ETS1: variants seen among roughly 807,000 people sequenced by gnomAD.
ETS1 encodes the protein ETS proto-oncogene 1, transcription factor.
A neutral mutation model predicts 58.6 loss-of-function variants in ETS1; 15 were observed. The ratio of observed to expected loss-of-function variants is 0.26; its 90% CI spans 0.17 to 0.39. ETS1 has a LOEUF of 0.39. Among genes scored for constraint, ETS1 ranks in the 10% least tolerant of loss-of-function variants. ETS1 has a pLI of 1.00. For synonymous variants in ETS1, 214 were observed against 218.2 expected (o/e 0.98, Z 0.17); for missense variants, 417 against 610.5 (o/e 0.68, Z 3.34).
At chr11:128,566,864 A>G (rs1864513716) in intron 2 of ETS1, among the ~76,000 whole-genome samples, 1 of 151,684 alleles carries the variant, frequency 6.6e-6, no homozygotes. Context: ...AGTGCTTTCC[A>G]CTAGAATTTG....
At chr11:128,566,655 C>T (rs916409068) in intron 2 of ETS1, among the ~76,000 whole-genome samples, 3 of 151,870 alleles carry the variant, frequency 2.0e-5, no homozygotes, top group Admixed American at 1.3e-4. Flanking sequence ...CGGTGGTGGG[C>T]GCCTGTAGTC....
intron 3 of ETS1, among the ~76,000 whole-genome samples, chr11:128,532,943 A>T (rs1026769842): frequency 1.3e-5 from 2 of 152,090 alleles, no homozygotes; most frequent in Middle Eastern, 3.2e-3. Flanking sequence ...ATTAAATAAC[A>T]CGCCTCTCTC....
At chr11:128,473,527 AG>A (rs1254868170) in intron 8 of ETS1, among the ~76,000 whole-genome samples, 4 of 152,240 alleles carry the variant, frequency 2.6e-5, no homozygotes, top group African/African-American at 9.6e-5. Flanking sequence ...GCTCACTGGC[AG>A]GGCCTGACTC....
rs1861954633 is a variant in ETS1 at position 128,463,438 on chromosome 11, C to T, written c.1242+71G>A. ...AATCCTGGAACACGTCATTCAGGCC[C>T]ACGCCACCCCTTCCAGGAGTTTTCT... On this transcript the variant is annotated intron_variant, in intron 9 of 9. Coordinates refer to ENST00000392668, the MANE Select transcript of ETS1 (RefSeq NM_001143820.2). This position sits in a 1 kb window ranked among gnomAD's most constrained non-coding sequence, Gnocchi z 4.1. The T allele has an allele frequency of 1.1e-6, 1 of 898,232 alleles. No homozygotes were observed. The highest frequency in any genetic ancestry group is 2.7e-4 in the Middle Eastern group (1 of 3,702). 55.6% of individuals were successfully genotyped at this position (898,232 alleles called of 1,614,324 possible).
chr11:128,534,164 A>G (rs931910843), intron 3 of ETS1, among the ~76,000 whole-genome samples: 11 of 152,182 alleles, frequency 7.2e-5, no homozygotes, highest in Non-Finnish European at 1.5e-4. Flanking sequence ...CAGGCCAGCT[A>G]TTTTCTAACT....
At position 128,459,039 on chromosome 11, in the gene ETS1, A is replaced by C. The variant is rs578164741; in HGVS notation, c.*3322T>G. On this transcript the variant is annotated 3_prime_UTR_variant, in exon 10 of 10. Coordinates refer to ENST00000392668, the MANE Select transcript of ETS1 (RefSeq NM_001143820.2). The stretch of plus-strand genomic sequence containing the variant: ...TCTTGCTTCTAAATTTTCAGCTTTT[A>C]AAAAATATAAATTATATGAAAATAC... The C allele has an allele frequency of 1.3e-5, 2 of 152,454 alleles. No individual in the cohort carries two copies. The highest frequency in any genetic ancestry group is 3.8e-4 in the East Asian group (2 of 5,228). The allele number at this position is 152,454 out of a possible 1,614,324, so 9.4% of individuals were successfully genotyped here. A position where few individuals can be genotyped will look rare whatever the true frequency, so the allele number is the denominator to read the frequency against.
At chr11:128,493,912 A>G (rs191567656) in intron 3 of ETS1, among the ~76,000 whole-genome samples, 49 of 152,342 alleles carry the variant, frequency 3.2e-4, no homozygotes, top group Non-Finnish European at 5.4e-4. Flanking sequence ...TGTTCAATAT[A>G]CTCATCAAAA....
At chr11:128,466,814 T>C (rs1034905498) in intron 8 of ETS1, among the ~76,000 whole-genome samples, 3 of 151,752 alleles carry the variant, frequency 2.0e-5, no homozygotes, top group Non-Finnish European at 2.9e-5. Context: ...GGAGGATAGA[T>C]AGGAAAAGCA....
chr11:128,498,850 CAT>C lies in ETS1; in HGVS notation c.215-8276_215-8275del, dbSNP rs560284130. On this transcript the variant is annotated intron_variant, in intron 3 of 9. Coordinates refer to ENST00000392668, the MANE Select transcript of ETS1 (RefSeq NM_001143820.2). ...TTCAAGCCATTTACAAAGTACTTCACATGTTTCAAAGCATTTCCTGCATAGAT... is the reference window on the plus strand; with the variant it reads ...TTCAAGCCATTTACAAAGTACTTCACGTTTCAAAGCATTTCCTGCATAGAT... Among the ~76,000 whole-genome samples the C allele has an allele frequency of 8.5e-5, 13 of 152,324 alleles. No individual in the cohort carries two copies. The East Asian group carries it at 2.1e-3, about 25-fold the overall frequency.
intron 3 of ETS1, among the ~76,000 whole-genome samples, chr11:128,519,703 T>G (rs1863613560): frequency 6.6e-6 from 1 of 152,208 alleles, no homozygotes; most frequent in Non-Finnish European, 1.5e-5. Flanking sequence ...CTTGCAACAT[T>G]ACTCAAAGCA....
intron 3 of ETS1, among the ~76,000 whole-genome samples, chr11:128,508,888 A>G (rs1316593518): frequency 6.6e-6 from 1 of 152,240 alleles, no homozygotes; most frequent in Non-Finnish European, 1.5e-5. Flanking sequence ...CCATAAAAAC[A>G]CTGAAAATAT....
chr11:128,553,763 C>T (rs1221719637), intron 3 of ETS1, among the ~76,000 whole-genome samples: 2 of 151,856 alleles, frequency 1.3e-5, no homozygotes, highest in Non-Finnish European at 2.9e-5. Flanking sequence ...AAGGCTTGCT[C>T]ATTCCTTGAT....
At chr11:128,573,913 G>A (rs1053539194) in intron 1 of ETS1, among the ~76,000 whole-genome samples, 9 of 152,126 alleles carry the variant, frequency 5.9e-5, no homozygotes, top group Non-Finnish European at 8.8e-5. Flanking sequence ...GAATAATCTC[G>A]AAGATTAAAT....
At chr11:128,465,793 C>G (rs563123529) in intron 8 of ETS1, among the ~76,000 whole-genome samples, 2 of 152,236 alleles carry the variant, frequency 1.3e-5, no homozygotes, top group African/African-American at 4.8e-5. Flanking sequence ...GCTCTACACT[C>G]GTTTCCTTCA....
intron 3 of ETS1, among the ~76,000 whole-genome samples, chr11:128,491,539 C>T (rs1862799485): frequency 6.6e-6 from 1 of 152,186 alleles, no homozygotes; most frequent in African/African-American, 2.4e-5. Context: ...AAAGAATACT[C>T]CAGATCAGTG....
intron 3 of ETS1, among the ~76,000 whole-genome samples, chr11:128,513,995 C>CA (rs1253049291): frequency 1.3e-5 from 2 of 152,006 alleles, no homozygotes; most frequent in Admixed American, 6.6e-5. Context: ...TAATTGCACA[C>CA]AAAAAAAGTA....
chr11:128,546,365 G>T (rs1472535225), intron 3 of ETS1, among the ~76,000 whole-genome samples: 2 of 152,146 alleles, frequency 1.3e-5, no homozygotes, highest in Non-Finnish European at 2.9e-5. Context: ...GAGTTTTTCT[G>T]CCATAGTCAT....
At chr11:128,495,490 T>TC (rs2135470742) in intron 3 of ETS1, among the ~76,000 whole-genome samples, 2 of 152,354 alleles carry the variant, frequency 1.3e-5, no homozygotes, top group South Asian at 4.1e-4. Context: ...AACTGAGGCT[T>TC]CCTTCCATAT....
At chr11:128,517,687 T>C (rs1240358501) in intron 3 of ETS1, among the ~76,000 whole-genome samples, 1 of 152,210 alleles carries the variant, frequency 6.6e-6, no homozygotes, top group Admixed American at 6.5e-5. Flanking sequence ...TTATCTGCTG[T>C]ATTCTGAAAC....
Sources: gnomAD v4.1 joint callset for allele counts (sites outside exome capture counted in the v4.1 genomes callset) on GRCh38, gnomAD v4.1.1 for gene constraint, Gnocchi (gnomAD v3.1) non-coding constraint, MANE v1.5 for transcripts, NCBI Gene and HGNC (gene_info 2026-07-23, HGNC 2026-07-21) for gene names.